LUZP2: variants seen among roughly 807,000 people sequenced by gnomAD.
LUZP2 encodes leucine zipper protein 2.
A neutral mutation model predicts 51.6 loss-of-function variants in LUZP2; 52 were observed. The observed-to-expected ratio is 1.01, with a 90% CI of 0.81 to 1.27. The LOEUF (loss-of-function observed/expected upper bound fraction) is 1.27. Ranked by LOEUF, LUZP2 falls within the 50% of genes most tolerant of loss-of-function variation. The pLI is 0.00. For synonymous variants in LUZP2, 154 were observed against 137.3 expected (o/e 1.12, Z -0.85); for missense variants, 436 against 395.4 (o/e 1.10, Z -0.87).
At chr11:24,962,932 G>C (rs929989610) in intron 7 of LUZP2, among the ~76,000 whole-genome samples, 24 of 152,134 alleles carry the variant, frequency 1.6e-4, no homozygotes, top group African/African-American at 5.8e-4. Context: ...ATGTACAGAT[G>C]GGTTTTTGGT....
chr11:24,843,445 ATGT>A (rs1379870195), intron 5 of LUZP2, among the ~76,000 whole-genome samples: 1 of 152,168 alleles, frequency 6.6e-6, no homozygotes, highest in Non-Finnish European at 1.5e-5. Context: ...TTTCCCATTA[ATGT>A]TGTAAAAATT....
rs370739284 is a variant in LUZP2 at position 24,678,911 on chromosome 11, G to A, written c.63-50258G>A. On this transcript the variant is annotated intron_variant, in intron 1 of 11. Transcript: ENST00000336930. ...TCTGCAAAATAAGATATAGTGCTGC[G>A]TCCAGGCATCCAAGCCTGCACCGCA... 3.1e-4 allele frequency among the ~76,000 whole-genome samples: 47 copies of A among 152,268 alleles called. No individual in the cohort carries two copies. The South Asian group carries it at 6.4e-3, about 21-fold the overall frequency.
intron 7 of LUZP2, among the ~76,000 whole-genome samples, chr11:24,955,168 A>C (rs1173515661): frequency 6.6e-6 from 1 of 152,040 alleles, no homozygotes; most frequent in Non-Finnish European, 1.5e-5. Flanking sequence ...TTGTTGTCTC[A>C]CTATTTGAAA....
At chr11:24,896,353 C>T (rs1028157493) in intron 5 of LUZP2, among the ~76,000 whole-genome samples, 2 of 152,224 alleles carry the variant, frequency 1.3e-5, no homozygotes, top group East Asian at 2.0e-4. Flanking sequence ...TCTGGGTGGG[C>T]GGGGCCTCAG....
At chr11:24,836,664 C>A (rs1850868859) in intron 5 of LUZP2, among the ~76,000 whole-genome samples, 1 of 151,816 alleles carries the variant, frequency 6.6e-6, no homozygotes, top group African/African-American at 2.4e-5. Context: ...AGATACTACA[C>A]AAGGGAACTG....
chr11:24,837,148 A>T (rs1406050176), intron 5 of LUZP2, among the ~76,000 whole-genome samples: 1 of 151,758 alleles, frequency 6.6e-6, no homozygotes, highest in Admixed American at 6.6e-5. Context: ...TTTCTGACAT[A>T]TATTAGAATA....
chr11:25,050,157 C>G (rs760178668), intron 10 of LUZP2, 27 bp downstream of exon 10: 17 of 1,378,402 alleles, frequency 1.2e-5, no homozygotes, highest in Non-Finnish European at 1.7e-5. Context: ...ATGCTTTTTA[C>G]AGTATTAGAC....
intron 1 of LUZP2, among the ~76,000 whole-genome samples, chr11:24,687,729 G>T (rs1384161322): frequency 6.6e-6 from 1 of 152,092 alleles, no homozygotes; most frequent in Non-Finnish European, 1.5e-5. Context: ...CTCCACTCAT[G>T]CTCAGGCATA....
chr11:25,031,723 T>C (rs1007357694), intron 9 of LUZP2, among the ~76,000 whole-genome samples: 1 of 152,128 alleles, frequency 6.6e-6, no homozygotes, highest in Non-Finnish European at 1.5e-5. Flanking sequence ...ATTTAGAAAT[T>C]ATACATCTTC....
intron 5 of LUZP2, among the ~76,000 whole-genome samples, chr11:24,888,408 A>G (rs527924778): frequency 6.6e-6 from 1 of 152,280 alleles, no homozygotes; most frequent in African/African-American, 2.4e-5. Context: ...TTTTACAGCC[A>G]AAAGTTTTTT....
chr11:24,843,437 TC>T (rs1490675575), intron 5 of LUZP2, among the ~76,000 whole-genome samples: 1 of 152,152 alleles, frequency 6.6e-6, no homozygotes, highest in East Asian at 1.9e-4. Context: ...GGCCAATCTT[TC>T]CCATTAATGT....
intron 1 of LUZP2, among the ~76,000 whole-genome samples, chr11:24,694,669 C>A (rs1857188132): frequency 6.6e-6 from 1 of 152,032 alleles, no homozygotes; most frequent in Non-Finnish European, 1.5e-5. Context: ...TTAGAACTAA[C>A]CCCAATGCCC....
At chr11:24,856,334 T>C (rs1246402762) in intron 5 of LUZP2, among the ~76,000 whole-genome samples, 1 of 152,008 alleles carries the variant, frequency 6.6e-6, no homozygotes, top group African/African-American at 2.4e-5. Context: ...TATGAAAAAA[T>C]GTTCAACATC....
chr11:25,053,854 T>A lies in LUZP2; in HGVS notation c.858+3724T>A, dbSNP rs58471730. ...TTTGATGATAAGTTTATGCTTATAT[T>A]GAAAAATTGGTACATTCTTTCCCCC... On this transcript the variant is annotated intron_variant, in intron 10 of 11. Coordinates refer to ENST00000336930, the MANE Select transcript of LUZP2 (RefSeq NM_001009909.4). 5.9e-5 allele frequency among the ~76,000 whole-genome samples: 9 copies of A among 152,260 alleles called. No individual in the cohort carries two copies. The South Asian group carries it at 1.9e-3, about 32-fold the overall frequency.
intron 1 of LUZP2, among the ~76,000 whole-genome samples, chr11:24,532,504 T>C (rs987671289): frequency 1.3e-5 from 2 of 151,066 alleles, no homozygotes; most frequent in African/African-American, 4.8e-5. Context: ...ATCTCAATTA[T>C]ATGCACCATG....
chr11:24,826,515 CTT>C (rs201166299), intron 5 of LUZP2, among the ~76,000 whole-genome samples: 14 of 140,534 alleles, frequency 1.0e-4, no homozygotes, highest in African/African-American at 3.4e-4. Flanking sequence ...GAGTATTAAA[CTT>C]TTTTTTTTTT....
chr11:25,078,493 T>A lies in LUZP2; in HGVS notation c.937-61T>A, dbSNP rs1230795279. On this transcript the variant is annotated intron_variant, in intron 11 of 11. Coordinates refer to ENST00000336930, the MANE Select transcript of LUZP2 (RefSeq NM_001009909.4). ...ATTCTTATTCTTTTAGACTTTTCAA[T>A]TTTTACCTTAAAATGTGTTATTTTG... 9 of 1,371,062 alleles carry A rather than the reference T, an allele frequency of 6.6e-6. No homozygotes were observed. The African/African-American group carries it at 1.2e-4, about 18-fold the overall frequency. The allele number at this position is 1,371,062 out of a possible 1,614,324, so 84.9% of individuals were successfully genotyped here.
intron 7 of LUZP2, among the ~76,000 whole-genome samples, chr11:24,953,519 T>A (rs1005550122): frequency 6.6e-6 from 1 of 151,986 alleles, no homozygotes; most frequent in Admixed American, 6.6e-5. Context: ...GCCATGTCAA[T>A]TAACTGTCAG....
intron 10 of LUZP2, among the ~76,000 whole-genome samples, chr11:25,055,817 G>A (rs745325546): frequency 6.6e-6 from 1 of 152,122 alleles, no homozygotes; most frequent in South Asian, 2.1e-4. Flanking sequence ...TTCCAGCTGT[G>A]TAATCATGAA....
Sources: allele counts gnomAD v4.1 joint callset (sites outside exome capture counted in the v4.1 genomes callset), GRCh38; gene constraint gnomAD v4.1.1; transcripts MANE v1.5; gene names NCBI Gene and HGNC (gene_info 2026-07-23, HGNC 2026-07-21).